Variants in CNGA2 observed in about 807,000 individuals in gnomAD.
CNGA2 encodes the protein cyclic nucleotide gated channel subunit alpha 2.
Under a neutral mutation model 35.9 loss-of-function variants are expected in CNGA2, and 22 were observed. The observed-to-expected ratio is 0.61, with a 90% CI of 0.44 to 0.88. The LOEUF (loss-of-function observed/expected upper bound fraction) is 0.88. Ranked by LOEUF, CNGA2 falls within the 40% of genes least tolerant of loss-of-function variation. CNGA2 has a pLI of 0.00. For missense variants in CNGA2, 555 were observed against 530.8 expected (o/e 1.05, Z -0.45); for synonymous variants, 217 against 209.2 (o/e 1.04, Z -0.32).
Position 151,739,809 on chromosome X carries a change from C to T in CNGA2, c.374+77C>T. 5.6e-6 allele frequency: 6 copies of T among 1,063,120 alleles called. No individual in the cohort carries two copies. In the South Asian group the frequency reaches 1.3e-4, roughly 24 times the overall value. 87.6% of individuals were successfully genotyped at this position (1,063,120 alleles called of 1,213,427 possible). A position where few individuals can be genotyped will look rare whatever the true frequency, so the allele number is the denominator to read the frequency against. ...AGAGCTCACTGGGGTTTCTATGCTA[C>T]TGCTAGGGGCTATGACAAGCCCTGC... On this transcript the variant is annotated intron_variant, in intron 4 of 6. Transcript: ENST00000329903.
chrX:151,737,983 G>A (rs905591569), intron 1 of CNGA2, among the ~76,000 whole-genome samples: 2 of 105,326 alleles, frequency 1.9e-5, no homozygotes, highest in African/African-American at 3.5e-5. Flanking sequence ...TAGGGAAAAG[G>A]GAAGCTACTC....
rs2015231138 is a variant in CNGA2, at chrX:151,734,765, A to C, written c.-205A>C. On this transcript the variant is annotated 5_prime_UTR_variant, in exon 1 of 7. Transcript: ENST00000329903. ...GAAGGGAGTAGACTCTATTATTTCA[A>C]GAAAGATGGCGTGGATAAACTGTTA... Among the ~76,000 whole-genome samples the C allele has an allele frequency of 8.9e-6, 1 of 111,868 alleles. No individual in the cohort carries two copies. Among genetic ancestry groups the C allele is most frequent in the Non-Finnish European group, 1.9e-5 (1 of 53,195 alleles).
At chrX:151,739,828 G>A in intron 4 of CNGA2, 96 bp downstream of exon 4, 1 of 957,623 alleles carries the variant, frequency 1.0e-6, no homozygotes, top group Non-Finnish European at 1.4e-6. Flanking sequence ...GCTATGACAA[G>A]CCCTGCTGTA....
At position 151,745,036 on chromosome X, in the gene CNGA2, C is replaced by T. The variant is rs1488139497; in HGVS notation, c.*538C>T. On this transcript the variant is annotated 3_prime_UTR_variant, in exon 7 of 7. Transcript: ENST00000329903. ...TCCAGCTCCTGCTCTGTAGATTGAT[C>T]TGTCTGTCTGCTAGCCAGGATGGGA... 1 of 112,769 alleles carries T rather than the reference C, an allele frequency of 8.9e-6. No individual in the cohort carries two copies. The highest frequency in any genetic ancestry group is 3.8e-4 in the South Asian group (1 of 2,633). 9.3% of individuals were successfully genotyped at this position (112,769 alleles called of 1,213,427 possible). A position where few individuals can be genotyped will look rare whatever the true frequency, so the allele number is the denominator to read the frequency against.
At position 151,738,780 on chromosome X, in the gene CNGA2, TC is replaced by T. The variant is rs1395207913; in HGVS notation, c.111-6del. The T allele has an allele frequency of 8.6e-7, 1 of 1,159,924 alleles. No individual in the cohort carries two copies. Among genetic ancestry groups the T allele is most frequent in the East Asian group, 3.2e-5 (1 of 31,290 alleles). ...ACCCTGGGTCAATTCTGCTCTTTTT[TC>T]TGCAGGCCACACTCTGCAGCTGACG... On this transcript the variant is annotated splice_region_variant and splice_polypyrimidine_tract_variant and intron_variant, in intron 2 of 6. Transcript: ENST00000329903.
rs1052867351 is a variant in CNGA2, at chrX:151,744,880, G to A, written c.*382G>A. 3.0e-5 allele frequency: 5 copies of A among 167,157 alleles called. No homozygotes were observed. The highest frequency in any genetic ancestry group is 5.2e-4 in the South Asian group (2 of 3,826). The allele number at this position is 167,157 out of a possible 1,213,427, so 13.8% of individuals were successfully genotyped here. A position where few individuals can be genotyped will look rare whatever the true frequency, so the allele number is the denominator to read the frequency against. On this transcript the variant is annotated 3_prime_UTR_variant, in exon 7 of 7. Coordinates refer to ENST00000329903, the MANE Select transcript of CNGA2 (RefSeq NM_005140.3). ...TTTTCCCTGCACACGCATGTACTTCGAGCACCGACTATAGACATTTAGATC... is the reference window on the plus strand; with the variant it reads ...TTTTCCCTGCACACGCATGTACTTCAAGCACCGACTATAGACATTTAGATC...
At chrX:151,741,669 T>C (rs1225735818) in intron 5 of CNGA2, among the ~76,000 whole-genome samples, 2 of 112,438 alleles carry the variant, frequency 1.8e-5, no homozygotes, top group Non-Finnish European at 3.8e-5. Context: ...TCAGCGTCTC[T>C]GAGGAGGTGA....
chrX:151,739,529 C>A (rs370666307), intron 3 of CNGA2, 33 bp from the exon 4 acceptor site: 1 of 1,192,895 alleles, frequency 8.4e-7, no homozygotes, highest in Non-Finnish European at 1.1e-6. Flanking sequence ...TGAGTCTTGG[C>A]TCTGGCTCAT....
chrX:151,742,396 T>C, intron 5 of CNGA2, 140 bp from the exon 6 acceptor site: 1 of 457,416 alleles, frequency 2.2e-6, no homozygotes, highest in Non-Finnish European at 3.9e-6. Context: ...GATAAATATC[T>C]CTTGGCATCA....
At chrX:151,739,349 G>A (rs1037119352) in intron 3 of CNGA2, among the ~76,000 whole-genome samples, 1 of 112,295 alleles carries the variant, frequency 8.9e-6, no homozygotes, top group Non-Finnish European at 1.9e-5. Context: ...GTCTCCCCCT[G>A]GACTGCATTC....
In CNGA2 at chrX:151,743,964, C is replaced by T. The variant is rs147206103; in HGVS notation, c.1461C>T (p.Ile487=). 7.9e-5 allele frequency: 95 copies of T among 1,209,200 alleles called. No homozygotes were observed. In the East Asian group the frequency reaches 2.0e-3, roughly 26 times the overall value. The change falls in exon 7 of 7, where the codon ATC becomes ATT. Residue 487 remains isoleucine, a synonymous_variant. Coordinates refer to ENST00000329903, the MANE Select transcript of CNGA2 (RefSeq NM_005140.3). ...ATTACATTTGCCGCAAAGGGGACATCGGCAAGGAGATGTACATCATTAAGG... is the reference window on the plus strand; with the variant it reads ...ATTACATTTGCCGCAAAGGGGACATTGGCAAGGAGATGTACATCATTAAGG... ...PGDYICRKGD[I]GKEMYIIKEG...
In CNGA2 at chrX:151,744,703, G is replaced by A. The variant is rs1022864636; in HGVS notation, c.*205G>A. The A allele has an allele frequency of 2.1e-4, 73 of 351,475 alleles. 1 individual carries two copies. Among genetic ancestry groups the A allele is most frequent in the African/African-American group, 1.5e-3 (57 of 39,295 alleles). 29.0% of individuals were successfully genotyped at this position (351,475 alleles called of 1,213,427 possible). A position where few individuals can be genotyped will look rare whatever the true frequency, so the allele number is the denominator to read the frequency against. ...CAAGTTTGTGGAGAGTACAGACTGC[G>A]TTGGCTGGGCTTCCGAGAGCTTCGG... On this transcript the variant is annotated 3_prime_UTR_variant, in exon 7 of 7. Coordinates refer to ENST00000329903, the MANE Select transcript of CNGA2 (RefSeq NM_005140.3).
intron 1 of CNGA2, among the ~76,000 whole-genome samples, chrX:151,736,866 C>T (rs968495023): frequency 3.0e-4 from 34 of 111,705 alleles, no homozygotes; most frequent in African/African-American, 1.0e-3. Flanking sequence ...TCTTCAACAC[C>T]AGCTTTTCCA....
Position 151,744,730 on chromosome X carries a change from C to T in CNGA2, c.*232C>T, listed in dbSNP as rs149174319. The T allele has an allele frequency of 0.012, 4,017 of 330,134 alleles. 134 individuals are homozygous for T. The highest frequency in any genetic ancestry group is 0.093 in the African/African-American group (3,597 of 38,671). 27.2% of individuals were successfully genotyped at this position (330,134 alleles called of 1,213,427 possible). ...TGGCTGGGCTTCCGAGAGCTTCGGCCTGCCTAAGTCTGAGGAAGGGAGAAG... is the reference window on the plus strand; with the variant it reads ...TGGCTGGGCTTCCGAGAGCTTCGGCTTGCCTAAGTCTGAGGAAGGGAGAAG... On this transcript the variant is annotated 3_prime_UTR_variant, in exon 7 of 7. Coordinates refer to ENST00000329903, the MANE Select transcript of CNGA2 (RefSeq NM_005140.3).
At chrX:151,742,089 G>A (rs964824173) in intron 5 of CNGA2, among the ~76,000 whole-genome samples, 6 of 112,578 alleles carry the variant, frequency 5.3e-5, no homozygotes, top group Middle Eastern at 4.2e-3. Context: ...GTATTGGCTA[G>A]TGCTGTTTAT....
Position 151,743,626 on chromosome X carries a change from A to G in CNGA2, c.1123A>G (p.Ile375Val). Residue 375 changes from isoleucine (I) to valine (V), a missense_variant, in exon 7 of 7, where the codon ATC (isoleucine) becomes GTC (valine). Ile to Val is a conservative substitution (Grantham distance 29). Coordinates refer to ENST00000329903, the MANE Select transcript of CNGA2 (RefSeq NM_005140.3). Reference protein sequence around the residue: ...ATIVGNVGSMISNMNATRAEF... With the variant: ...ATIVGNVGSMVSNMNATRAEF... ...CATCGTGGGAAATGTGGGCTCCATGATCTCCAACATGAATGCCACCCGGGC... is the reference window on the plus strand; with the variant it reads ...CATCGTGGGAAATGTGGGCTCCATGGTCTCCAACATGAATGCCACCCGGGC... 2 of 1,211,409 alleles carry G rather than the reference A, an allele frequency of 1.7e-6. No individual in the cohort carries two copies. The highest frequency in any genetic ancestry group is 1.8e-5 in the South Asian group (1 of 56,939).
At chrX:151,735,665 T>G (rs1488653762) in intron 1 of CNGA2, among the ~76,000 whole-genome samples, 1 of 111,792 alleles carries the variant, frequency 8.9e-6, no homozygotes, top group South Asian at 3.8e-4. Flanking sequence ...TATTATCTAC[T>G]GAATTCCTCC....
intron 4 of CNGA2, among the ~76,000 whole-genome samples, chrX:151,740,121 G>C (rs2015289694): frequency 8.9e-6 from 1 of 112,110 alleles, no homozygotes; most frequent in Non-Finnish European, 1.9e-5. Flanking sequence ...ATCATGTAGA[G>C]GGATGGAGGA....
intron 4 of CNGA2, 65 bp downstream of exon 4, chrX:151,739,797 G>C (rs2015285671): frequency 1.3e-5 from 15 of 1,120,756 alleles, no homozygotes; most frequent in Non-Finnish European, 1.8e-5. Context: ...GCTCACTGGG[G>C]TTTCTATGCT....
Sources: allele counts gnomAD v4.1 joint callset (sites outside exome capture counted in the v4.1 genomes callset), GRCh38; gene constraint gnomAD v4.1.1; transcripts MANE v1.5; gene names NCBI Gene and HGNC (gene_info 2026-07-23, HGNC 2026-07-21).